The following AP3D1 variants were observed in gnomAD, a reference collection of about 807,000 sequenced individuals.
The protein encoded by AP3D1 is AP-3 complex subunit delta-1.
Under a neutral mutation model 147.6 loss-of-function variants are expected in AP3D1, and 51 were observed. The ratio of observed to expected loss-of-function variants is 0.35; its 90% CI spans 0.28 to 0.44. The LOEUF is 0.44. Among genes scored for constraint, AP3D1 ranks in the 20% least tolerant of loss-of-function variants. The pLI, the probability that AP3D1 is intolerant of heterozygous loss-of-function variation, is 1.00. For missense variants in AP3D1, 1,421 were observed against 1,624.2 expected (o/e 0.87, Z 2.15); for synonymous variants, 760 against 663.0 (o/e 1.15, Z -2.25).
chr19:2,112,078 G>A (rs1431362268), intron 24 of AP3D1: 1 of 569,098 alleles, frequency 1.8e-6, no homozygotes, highest in East Asian at 3.1e-5. Flanking sequence ...CACCGACCAG[G>A]GAGCCATGCA....
chr19:2,161,486 A>G (rs1305079702), intron 1 of AP3D1, among the ~76,000 whole-genome samples: 4 of 152,004 alleles, frequency 2.6e-5, no homozygotes, highest in Non-Finnish European at 5.9e-5. Context: ...ATTAAAAATG[A>G]CTTGCATTCC....
At chr19:2,158,673 C>A (rs763587412) in intron 1 of AP3D1, among the ~76,000 whole-genome samples, 1 of 151,432 alleles carries the variant, frequency 6.6e-6, no homozygotes, top group Non-Finnish European at 1.5e-5. Context: ...CGGCGCAATC[C>A]GCTTACTGCA....
chr19:2,117,157 G>A (rs2018479235), intron 16 of AP3D1, 65 bp downstream of exon 16: 2 of 1,512,862 alleles, frequency 1.3e-6, no homozygotes, highest in Non-Finnish European at 1.8e-6. Flanking sequence ...CCCCCGCTGT[G>A]CCACCAGGCA....
At chr19:2,141,486 T>C (rs923555507) in intron 1 of AP3D1, among the ~76,000 whole-genome samples, 3 of 145,802 alleles carry the variant, frequency 2.1e-5, no homozygotes, top group Non-Finnish European at 4.5e-5. Context: ...CAGGCTGGAG[T>C]GCAGTGGTAC....
intron 26 of AP3D1, 96 bp downstream of exon 26, chr19:2,111,189 C>A: frequency 6.8e-7 from 1 of 1,478,038 alleles, no homozygotes; most frequent in Admixed American, 1.8e-5. Flanking sequence ...GGTATACCAA[C>A]ATCCGGGAGC....
Position 2,123,822 on chromosome 19 carries a change from G to C in AP3D1, c.906+8C>G, listed in dbSNP as rs746021695. The stretch of plus-strand genomic sequence containing the variant: ...GACCCCATGGGCCCCGCCCAGTGCG[G>C]GACGTACCTGGATGCTGGCGCTGTG... On this transcript the variant is annotated splice_region_variant and intron_variant, in intron 10 of 31. Transcript: ENST00000643116. 9 of 1,568,628 alleles carry C rather than the reference G, an allele frequency of 5.7e-6. No individual in the cohort carries two copies. The Admixed American group carries it at 1.5e-4, about 26-fold the overall frequency.
At chr19:2,146,067 C>G (rs35391608) in intron 1 of AP3D1, among the ~76,000 whole-genome samples, 2,733 of 152,082 alleles carry the variant, frequency 0.018, 34 homozygotes, top group Middle Eastern at 0.048. Flanking sequence ...TGAGTCCATT[C>G]ATAAAACGAC....
chr19:2,118,873 C>T, intron 14 of AP3D1, 41 bp from the exon 15 acceptor site: 1 of 1,575,300 alleles, frequency 6.3e-7, no homozygotes, highest in Non-Finnish European at 8.7e-7. Context: ...GATGCCAATC[C>T]CGGGGCTCCT....
chr19:2,154,929 CA>C (rs1422259859), upstream of AP3D1, among the ~76,000 whole-genome samples: 1 of 152,220 alleles, frequency 6.6e-6, no homozygotes, highest in Non-Finnish European at 1.5e-5. Context: ...CCTGCATTCC[CA>C]GCACTTCCGG....
chr19:2,116,061 CT>C, intron 18 of AP3D1, 145 bp downstream of exon 18: 1 of 791,712 alleles, frequency 1.3e-6, no homozygotes, highest in Non-Finnish European at 2.0e-6. Flanking sequence ...GCGCCTGCCC[CT>C]CAAAGGCTCC....
chr19:2,159,335 C>T (rs2019675864), intron 1 of AP3D1, among the ~76,000 whole-genome samples: 1 of 152,032 alleles, frequency 6.6e-6, no homozygotes, highest in Non-Finnish European at 1.5e-5. Flanking sequence ...TCTCCTGCCT[C>T]AGCCTCCCGA....
chr19:2,158,244 GACGGGGTTTC>G (rs1226564110), intron 1 of AP3D1, among the ~76,000 whole-genome samples: 1 of 152,018 alleles, frequency 6.6e-6, no homozygotes. Context: ...TTTTAGTAGA[GACGGGGTTTC>G]ACCACATTAG....
At chr19:2,153,290 C>T (rs1294797841), upstream of AP3D1, among the ~76,000 whole-genome samples, 4 of 150,960 alleles carry the variant, frequency 2.6e-5, no homozygotes, top group Non-Finnish European at 4.4e-5. Context: ...AGGAGAATGA[C>T]ATGAGTCCAG....
chr19:2,147,332 C>G (rs1241518498), intron 1 of AP3D1, among the ~76,000 whole-genome samples: 9 of 82,286 alleles, frequency 1.1e-4, no homozygotes, highest in Non-Finnish European at 2.4e-5. Flanking sequence ...GCAACAAGAG[C>G]AAAACTCTGT....
chr19:2,123,224 G>A (rs2018659098), intron 11 of AP3D1, 134 bp downstream of exon 11: 3 of 921,768 alleles, frequency 3.3e-6, no homozygotes, highest in Non-Finnish European at 5.1e-6. Flanking sequence ...CTGCCTCTGA[G>A]GCAGAGTGCC....
chr19:2,121,699 G>A (rs1257339473), intron 12 of AP3D1, 35 bp downstream of exon 12: 2 of 1,543,342 alleles, frequency 1.3e-6, no homozygotes, highest in South Asian at 1.3e-5. Context: ...GAGAACTAAG[G>A]CCAGGCGGGC....
intron 25 of AP3D1, 108 bp from the exon 26 acceptor site, chr19:2,111,440 T>A (rs930239361): frequency 3.6e-5 from 52 of 1,432,670 alleles, no homozygotes; most frequent in Admixed American, 2.3e-4. Context: ...CCAAGAATGC[T>A]TGGGGCAAGG....
chr19:2,114,922 G>T (rs541898212), intron 20 of AP3D1, 101 bp from the exon 21 acceptor site: 1 of 1,282,850 alleles, frequency 7.8e-7, no homozygotes, highest in Non-Finnish European at 1.1e-6. Flanking sequence ...CGGGCCACAC[G>T]CACAGGTGGG....
chr19:2,145,623 C>G (rs868275859), intron 1 of AP3D1, among the ~76,000 whole-genome samples: 11 of 152,192 alleles, frequency 7.2e-5, no homozygotes, highest in South Asian at 2.1e-4. Flanking sequence ...GGCGTCGCCG[C>G]TCCTGCCCTC....
Sources: gnomAD v4.1 joint callset for allele counts (sites outside exome capture counted in the v4.1 genomes callset) on GRCh38, gnomAD v4.1.1 for gene constraint, MANE v1.5 for transcripts, NCBI Gene and HGNC (gene_info 2026-07-23, HGNC 2026-07-21) for gene names.